PLCB4: variants seen among roughly 807,000 people sequenced by gnomAD.
PLCB4 encodes 1-phosphatidylinositol 4,5-bisphosphate phosphodiesterase beta-4.
A neutral mutation model predicts 178.8 loss-of-function variants in PLCB4; 77 were observed. That is an observed-to-expected ratio of 0.43 (90% CI 0.36 to 0.52). PLCB4 has a LOEUF of 0.52. PLCB4 is among the 20% of genes least tolerant of loss of function. The probability of loss-of-function intolerance (pLI) is 0.00; values close to 1 mark genes in which losing one functional copy is unlikely to be tolerated. For missense variants in PLCB4, 1,024 were observed against 1,453.4 expected (o/e 0.70, Z 4.80); for synonymous variants, 496 against 490.8 (o/e 1.01, Z -0.14).
intron 3 of PLCB4, among the ~76,000 whole-genome samples, chr20:9,258,817 C>A (rs1289454157): frequency 5.3e-5 from 8 of 151,066 alleles, no homozygotes; most frequent in African/African-American, 1.9e-4. Flanking sequence ...CAATTTTGTT[C>A]TCAGACATAC....
chr20:9,222,742 T>C (rs894368298), intron 3 of PLCB4, among the ~76,000 whole-genome samples: 2 of 152,226 alleles, frequency 1.3e-5, no homozygotes, highest in Admixed American at 6.5e-5. Flanking sequence ...CATATTTCAG[T>C]GCTCAAAAGC....
chr20:9,137,613 G>A (rs181216532), intron 2 of PLCB4, among the ~76,000 whole-genome samples: 1 of 152,132 alleles, frequency 6.6e-6, no homozygotes, highest in African/African-American at 2.4e-5. Context: ...AAATAGAAGG[G>A]TGAAATGGAT....
At chr20:9,223,691 G>A (rs1202608192) in intron 3 of PLCB4, among the ~76,000 whole-genome samples, 1 of 152,218 alleles carries the variant, frequency 6.6e-6, no homozygotes, top group Non-Finnish European at 1.5e-5. Context: ...CAACCAGGTG[G>A]AAGCAGCATT....
Position 9,283,471 on chromosome 20 carries a change from G to A in PLCB4, c.-15-24329G>A, listed in dbSNP as rs182866458. Among the ~76,000 whole-genome samples, 82 of 152,034 alleles carry A rather than the reference G, an allele frequency of 5.4e-4. 1 individual carries two copies. Among genetic ancestry groups the A allele is most frequent in the African/African-American group, 1.9e-3 (80 of 41,504 alleles). ...GGACGGTTTTATGAAGTACTTTAAA[G>A]TTTCAGAAGCAAGATGCTGTCTTGC... On this transcript the variant is annotated intron_variant, in intron 3 of 39. Transcript: ENST00000378473.
chr20:9,199,237 C>T (rs2093511411), intron 2 of PLCB4, among the ~76,000 whole-genome samples: 1 of 152,004 alleles, frequency 6.6e-6, no homozygotes, highest in Non-Finnish European at 1.5e-5. Flanking sequence ...TTGACAAGTC[C>T]CTAGAATCAT....
chr20:9,097,084 G>A (rs973591944), intron 2 of PLCB4, among the ~76,000 whole-genome samples: 4 of 151,748 alleles, frequency 2.6e-5, no homozygotes, highest in East Asian at 1.9e-4. Context: ...ATAGGTGCCC[G>A]CCACCACACC....
rs2122769433 is a variant in PLCB4 at position 9,480,024 on chromosome 20, G to A, written c.*1015G>A. On this transcript the variant is annotated 3_prime_UTR_variant, in exon 40 of 40. Transcript: ENST00000378473. ...AAACCCTCTCTCTATATATATATGTGTATATGAATTATGTGGGCATTCTTG... is the reference window on the plus strand; with the variant it reads ...AAACCCTCTCTCTATATATATATGTATATATGAATTATGTGGGCATTCTTG... 6.6e-6 allele frequency: 1 copy of A among 152,488 alleles called. No homozygotes were observed. Among genetic ancestry groups the A allele is most frequent in the Non-Finnish European group, 1.5e-5 (1 of 68,000 alleles). The allele number at this position is 152,488 out of a possible 1,614,324, so 9.4% of individuals were successfully genotyped here. A position where few individuals can be genotyped will look rare whatever the true frequency, so the allele number is the denominator to read the frequency against.
At chr20:9,116,705 C>CAGCTTGTCA in intron 2 of PLCB4, among the ~76,000 whole-genome samples, 1 of 152,098 alleles carries the variant, frequency 6.6e-6, no homozygotes, top group Middle Eastern at 3.4e-3. Flanking sequence ...TTTTAAAAAA[C>CAGCTTGTCA]AGCTTGTCAA....
rs1477226666 is a variant in PLCB4, at chr20:9,199,239, T to A, written c.-78-18151T>A. Reference sequence around the variant, plus strand: ...ACACTAAATCACCTTGACAAGTCCCTAGAATCATAACTAGGGAAGTACATT... The same window carrying A: ...ACACTAAATCACCTTGACAAGTCCCAAGAATCATAACTAGGGAAGTACATT... On this transcript the variant is annotated intron_variant, in intron 2 of 39. Coordinates refer to ENST00000378473, the MANE Select transcript of PLCB4 (RefSeq NM_001377142.1). Among the ~76,000 whole-genome samples the A allele has an allele frequency of 2.6e-5, 4 of 152,312 alleles. No individual in the cohort carries two copies. In the East Asian group the frequency reaches 7.7e-4, roughly 29 times the overall value.
intron 3 of PLCB4, among the ~76,000 whole-genome samples, chr20:9,251,052 C>T (rs2147482463): frequency 6.6e-6 from 1 of 152,328 alleles, no homozygotes; most frequent in African/African-American, 2.4e-5. Context: ...TTGCTTTCTG[C>T]CCTCTTGCTA....
rs1282603342 is a variant in PLCB4 at position 9,136,980 on chromosome 20, T to G, written c.-79+40638T>G. On this transcript the variant is annotated intron_variant, in intron 2 of 39. Coordinates refer to ENST00000378473, the MANE Select transcript of PLCB4 (RefSeq NM_001377142.1). ...TAGAGGAGACTGGAGGGAGGAGAACTGTGAGGTCAGTTGCTTAAGAGACTC... is the reference window on the plus strand; with the variant it reads ...TAGAGGAGACTGGAGGGAGGAGAACGGTGAGGTCAGTTGCTTAAGAGACTC... Among the ~76,000 whole-genome samples the G allele has an allele frequency of 2.6e-5, 4 of 152,052 alleles. No individual in the cohort carries two copies. The East Asian group carries it at 7.8e-4, about 30-fold the overall frequency.
intron 2 of PLCB4, among the ~76,000 whole-genome samples, chr20:9,216,055 A>G (rs2093727569): frequency 6.6e-6 from 1 of 152,210 alleles, no homozygotes; most frequent in Admixed American, 6.5e-5. Flanking sequence ...TGCTGTAGTC[A>G]TCTCTATACA....
At chr20:9,396,575 ATTTG>A (rs1424291305) in intron 19 of PLCB4, among the ~76,000 whole-genome samples, 2 of 152,194 alleles carry the variant, frequency 1.3e-5, no homozygotes, top group East Asian at 1.9e-4. Flanking sequence ...TTAGAGAATT[ATTTG>A]TTTGTTATGT....
At chr20:9,282,356 G>A (rs1221966928) in intron 3 of PLCB4, among the ~76,000 whole-genome samples, 4 of 151,962 alleles carry the variant, frequency 2.6e-5, no homozygotes, top group East Asian at 3.9e-4. Flanking sequence ...TGACGTATTT[G>A]TGTTCACAAT....
chr20:9,087,066 T>C (rs1461153303), intron 1 of PLCB4, among the ~76,000 whole-genome samples: 1 of 152,242 alleles, frequency 6.6e-6, no homozygotes, highest in Non-Finnish European at 1.5e-5. Flanking sequence ...TGTTTCCGTT[T>C]AAAATGTGTC....
chr20:9,386,043 A>G (rs1341498383), intron 14 of PLCB4, among the ~76,000 whole-genome samples: 2 of 152,218 alleles, frequency 1.3e-5, no homozygotes, highest in Non-Finnish European at 2.9e-5. Flanking sequence ...ACTCGAGGTC[A>G]GGAGCCGGAG....
At chr20:9,080,486 C>T (rs2090091638) in intron 1 of PLCB4, among the ~76,000 whole-genome samples, 1 of 152,114 alleles carries the variant, frequency 6.6e-6, no homozygotes, top group Non-Finnish European at 1.5e-5. Flanking sequence ...GAAGGAATTG[C>T]ACTAGATTAA....
At chr20:9,323,291 T>G (rs569500367) in intron 4 of PLCB4, among the ~76,000 whole-genome samples, 6 of 152,232 alleles carry the variant, frequency 3.9e-5, no homozygotes, top group Admixed American at 1.3e-4. Flanking sequence ...CCAAGAGGCC[T>G]TCTTACTCAC....
At chr20:9,301,935 G>GT (rs1485341041) in intron 3 of PLCB4, among the ~76,000 whole-genome samples, 3 of 152,120 alleles carry the variant, frequency 2.0e-5, no homozygotes, top group Non-Finnish European at 2.9e-5. Flanking sequence ...TGCTCAATGT[G>GT]TTTACACTGC....
Sources: allele counts gnomAD v4.1 joint callset (sites outside exome capture counted in the v4.1 genomes callset), GRCh38; gene constraint gnomAD v4.1.1; transcripts MANE v1.5; gene names NCBI Gene and HGNC (gene_info 2026-07-23, HGNC 2026-07-21).